The following SPINK9 variants were observed in gnomAD, a reference collection of about 807,000 sequenced individuals.
The protein encoded by SPINK9 is serine peptidase inhibitor Kazal type 9, also known as serine protease inhibitor Kazal-type 9.
SPINK9 carries 3 observed loss-of-function variants against 10.8 expected under a neutral mutation model. The observed-to-expected ratio is 0.28, with a 90% CI of 0.13 to 0.72. The LOEUF is 0.72. Ranked by LOEUF, SPINK9 falls within the 30% of genes least tolerant of loss-of-function variation. The pLI, the probability that SPINK9 is intolerant of heterozygous loss-of-function variation, is 0.74. For synonymous variants in SPINK9, 30 were observed against 31.2 expected (o/e 0.96, Z 0.12); for missense variants, 101 against 103.2 (o/e 0.98, Z 0.09).
chr5:148,336,350 C>A (rs1757217040), intron 1 of SPINK9, 72 bp from the exon 2 acceptor site: 1 of 1,498,310 alleles, frequency 6.7e-7, no homozygotes, highest in South Asian at 1.1e-5. Flanking sequence ...AAGCATAAAT[C>A]AAAGATTCTT....
At chr5:148,339,022 C>A (rs1757253997) in intron 3 of SPINK9, among the ~76,000 whole-genome samples, 1 of 152,056 alleles carries the variant, frequency 6.6e-6, no homozygotes, top group Non-Finnish European at 1.5e-5. Flanking sequence ...AGCAACTAGG[C>A]TTGGATATGT....
chr5:148,334,933 T>C (rs17719787), upstream of SPINK9, among the ~76,000 whole-genome samples: 853 of 152,250 alleles, frequency 5.6e-3, 33 homozygotes, highest in East Asian at 0.1. Context: ...TTAGTTCAGG[T>C]GTGCAAGATT....
intron 2 of SPINK9, among the ~76,000 whole-genome samples, chr5:148,336,945 C>A (rs568967789): frequency 1.3e-5 from 2 of 152,240 alleles, no homozygotes; most frequent in South Asian, 4.1e-4. Context: ...TAGCAAAAAT[C>A]TTATTTGGTA....
intron 1 of SPINK9, among the ~76,000 whole-genome samples, chr5:148,335,872 T>C (rs1315184446): frequency 1.3e-5 from 2 of 152,190 alleles, no homozygotes; most frequent in East Asian, 3.8e-4. Flanking sequence ...TAAAGTCAAA[T>C]GCTTATTCAT....
At chr5:148,332,802 T>A (rs1302789866), upstream of SPINK9, among the ~76,000 whole-genome samples, 1 of 152,334 alleles carries the variant, frequency 6.6e-6, no homozygotes, top group East Asian at 1.9e-4. Flanking sequence ...TGGATTTTTC[T>A]ACTTGCTCTC....
At chr5:148,335,887 A>G (rs542911537) in intron 1 of SPINK9, among the ~76,000 whole-genome samples, 3 of 152,346 alleles carry the variant, frequency 2.0e-5, no homozygotes, top group South Asian at 4.1e-4. Context: ...ATTCATGAGA[A>G]TACTTTGTAT....
exon 2 of SPINK9, chr5:148,323,752 T>C (rs749938697): frequency 2.9e-6 from 2 of 697,766 alleles, no homozygotes; most frequent in South Asian, 3.0e-5. Context: ...TGCATCTTTA[T>C]GGTCTTTATG....
chr5:148,324,623 A>G (rs531669794), intron 2 of SPINK9, among the ~76,000 whole-genome samples: 3 of 152,076 alleles, frequency 2.0e-5, no homozygotes, highest in Non-Finnish European at 4.4e-5. Context: ...TCACTGGTCT[A>G]TAACTTCCAA....
At chr5:148,323,148 T>A (rs1242928201) in intron 1 of SPINK9, among the ~76,000 whole-genome samples, 5 of 152,086 alleles carry the variant, frequency 3.3e-5, no homozygotes, top group African/African-American at 7.2e-5. Context: ...ACAAAAATGC[T>A]GATTGAGGGA....
At chr5:148,330,795 G>T (rs1401809895), upstream of SPINK9, among the ~76,000 whole-genome samples, 1 of 151,970 alleles carries the variant, frequency 6.6e-6, no homozygotes, top group Non-Finnish European at 1.5e-5. Flanking sequence ...GAAATTCTGG[G>T]TTGAAAATTC....
exon 1 of SPINK9, chr5:148,321,380 T>C (rs928666164): frequency 6.6e-6 from 1 of 152,168 alleles, no homozygotes; most frequent in African/African-American, 2.4e-5. Context: ...CAGGAGCCGA[T>C]GCGATCAACT....
exon 2 of SPINK9, chr5:148,323,841 G>C (rs985301515): frequency 2.9e-6 from 2 of 700,874 alleles, no homozygotes; most frequent in African/African-American, 3.5e-5. Context: ...GAGACTCATG[G>C]GCTTAACGCA....
chr5:148,326,553 G>A (rs972466491), intron 2 of SPINK9, among the ~76,000 whole-genome samples: 3 of 152,046 alleles, frequency 2.0e-5, no homozygotes, highest in Non-Finnish European at 4.4e-5. Flanking sequence ...TAGGGTACAC[G>A]TGCACAACCT....
intron 2 of SPINK9, among the ~76,000 whole-genome samples, chr5:148,327,623 G>T (rs1408742921): frequency 6.6e-6 from 1 of 151,684 alleles, no homozygotes; most frequent in African/African-American, 2.4e-5. Context: ...TTCTTCTAGG[G>T]TTTTTATGGT....
At chr5:148,324,790 A>G (rs1757038608) in intron 2 of SPINK9, among the ~76,000 whole-genome samples, 2 of 152,084 alleles carry the variant, frequency 1.3e-5, no homozygotes, top group Admixed American at 6.6e-5. Context: ...AGAGAGAGAG[A>G]GAGAGTCAAA....
chr5:148,323,966 T>C (rs553430076), intron 2 of SPINK9: 3 of 552,778 alleles, frequency 5.4e-6, no homozygotes, highest in Admixed American at 3.0e-5. Flanking sequence ...GACATGTATA[T>C]TGTGGGAGTC....
chr5:148,322,922 T>C (rs944137866), intron 1 of SPINK9, among the ~76,000 whole-genome samples: 1 of 152,240 alleles, frequency 6.6e-6, no homozygotes, highest in African/African-American at 2.4e-5. Flanking sequence ...ATCCCCAATC[T>C]TTCTGAAATT....
At chr5:148,335,070 T>A (rs1316307987), upstream of SPINK9, among the ~76,000 whole-genome samples, 1 of 152,162 alleles carries the variant, frequency 6.6e-6, no homozygotes, top group African/African-American at 2.4e-5. Context: ...TACTAATACT[T>A]CCATTAGTAG....
At chr5:148,334,303 G>GT (rs924963622), upstream of SPINK9, among the ~76,000 whole-genome samples, 43 of 152,064 alleles carry the variant, frequency 2.8e-4, no homozygotes. Context: ...ACTAAATTTA[G>GT]TAAGTTCTTT....
Sources: allele counts gnomAD v4.1 joint callset (sites outside exome capture counted in the v4.1 genomes callset), GRCh38; gene constraint gnomAD v4.1.1; transcripts MANE v1.5; gene names NCBI Gene and HGNC (gene_info 2026-07-23, HGNC 2026-07-21).